AKIRIN1: variants seen among roughly 807,000 people sequenced by gnomAD.
AKIRIN1 encodes the protein akirin 1.
Under a neutral mutation model 25.9 loss-of-function variants are expected in AKIRIN1, and 4 were observed. That is an observed-to-expected ratio of 0.15 (90% CI 0.08 to 0.35). The LOEUF (loss-of-function observed/expected upper bound fraction) is 0.35, where lower values mean the gene tolerates loss of function less well. Among genes scored for constraint, AKIRIN1 ranks in the 10% least tolerant of loss-of-function variants. AKIRIN1 has a pLI of 1.00. For missense variants in AKIRIN1, 243 were observed against 266.1 expected, an observed-to-expected ratio of 0.91 and a Z score of 0.61; for synonymous variants, 125 against 105.1, an observed-to-expected ratio of 1.19 and a Z score of -1.16.
chr1:38,999,904 C>T (rs6694920), intron 2 of AKIRIN1, among the ~76,000 whole-genome samples: 111,238 of 151,748 alleles, frequency 0.73, 42,209 homozygotes, highest in Non-Finnish European at 0.85. Context: ...TTGGGTTTTT[C>T]TTGAGATTTG....
At chr1:38,996,051 AAACTT>A (rs1643946047) in intron 1 of AKIRIN1, among the ~76,000 whole-genome samples, 1 of 152,116 alleles carries the variant, frequency 6.6e-6, no homozygotes, top group Non-Finnish European at 1.5e-5. Context: ...AGTGAGGTGA[AAACTT>A]AATAAATTCA....
chr1:38,998,957 T>C (rs990945595), intron 2 of AKIRIN1, among the ~76,000 whole-genome samples: 4 of 152,192 alleles, frequency 2.6e-5, no homozygotes, highest in Admixed American at 2.6e-4. Context: ...ATATGGCTGT[T>C]GTATTGTACA....
intron 1 of AKIRIN1, among the ~76,000 whole-genome samples, chr1:38,996,887 G>A (rs971726332): frequency 1.3e-5 from 2 of 152,186 alleles, no homozygotes; most frequent in Non-Finnish European, 2.9e-5. Context: ...CTGAAAGTTA[G>A]GGACTTTGAC....
intron 1 of AKIRIN1, 134 bp from the exon 2 acceptor site, chr1:38,998,037 G>A: frequency 1.1e-6 from 1 of 940,094 alleles, no homozygotes; most frequent in Non-Finnish European, 1.5e-6. Context: ...CGGGGGAGGG[G>A]GAGATTGAGA....
intron 1 of AKIRIN1, among the ~76,000 whole-genome samples, chr1:38,993,000 A>T (rs565031910): frequency 6.6e-6 from 1 of 152,224 alleles, no homozygotes; most frequent in Non-Finnish European, 1.5e-5. Context: ...CAGGCGCCAT[A>T]GATGGCCACT....
chr1:38,992,561 A>G (rs1216693958), intron 1 of AKIRIN1, among the ~76,000 whole-genome samples: 2 of 152,010 alleles, frequency 1.3e-5, no homozygotes, highest in Non-Finnish European at 2.9e-5. Context: ...TTCAGGTTTC[A>G]TTTCCTCCTT....
Position 39,004,230 on chromosome 1 carries a change from C to G in AKIRIN1, c.*175C>G. The G allele has an allele frequency of 1.3e-6, 1 of 745,498 alleles. No homozygotes were observed. The highest frequency in any genetic ancestry group is 1.5e-5 in the South Asian group (1 of 68,846). The allele number at this position is 745,498 out of a possible 1,614,324, so 46.2% of individuals were successfully genotyped here. A position where few individuals can be genotyped will look rare whatever the true frequency, so the allele number is the denominator to read the frequency against. Reference sequence around the variant, plus strand: ...AGACCGTAAAACTTTCTGGTTGCCACAAGCATATCTTTCTTTTCTGCTCAT... The same window carrying G: ...AGACCGTAAAACTTTCTGGTTGCCAGAAGCATATCTTTCTTTTCTGCTCAT... On this transcript the variant is annotated 3_prime_UTR_variant, in exon 5 of 5. Coordinates refer to ENST00000432648, the MANE Select transcript of AKIRIN1 (RefSeq NM_024595.3).
At chr1:39,000,555 G>A (rs1177758944) in intron 2 of AKIRIN1, among the ~76,000 whole-genome samples, 2 of 151,262 alleles carry the variant, frequency 1.3e-5, no homozygotes, top group African/African-American at 4.9e-5. Flanking sequence ...TCTCCATGTT[G>A]GTCAGGCTGG....
intron 1 of AKIRIN1, among the ~76,000 whole-genome samples, chr1:38,995,112 C>T (rs1643938011): frequency 6.6e-6 from 1 of 152,130 alleles, no homozygotes; most frequent in African/African-American, 2.4e-5. Flanking sequence ...ATTGCATGAG[C>T]CACTGCGCCT....
intron 1 of AKIRIN1, among the ~76,000 whole-genome samples, chr1:38,995,491 T>C (rs943879228): frequency 6.6e-6 from 1 of 152,208 alleles, no homozygotes; most frequent in Non-Finnish European, 1.5e-5. Context: ...TATATGGCCT[T>C]CTACAGAAGA....
Position 38,993,496 on chromosome 1 carries a change from T to C in AKIRIN1, c.220+1896T>C, listed in dbSNP as rs549940289. Among the ~76,000 whole-genome samples the C allele has an allele frequency of 3.3e-5, 5 of 151,576 alleles. No homozygotes were observed. The East Asian group carries it at 9.7e-4, about 29-fold the overall frequency. On this transcript the variant is annotated intron_variant, in intron 1 of 4. Coordinates refer to ENST00000432648, the MANE Select transcript of AKIRIN1 (RefSeq NM_024595.3). ...GTTATTTTTGTTTTGGGGGCAGTGG[T>C]GGCATGCACTTGTAATCCCAGCTAC...
intron 2 of AKIRIN1, among the ~76,000 whole-genome samples, chr1:38,999,525 TGG>T (rs1643972701): frequency 6.6e-6 from 1 of 152,254 alleles, no homozygotes; most frequent in African/African-American, 2.4e-5. Context: ...TTCCTGGCTC[TGG>T]AACTGCACCC....
intron 1 of AKIRIN1, among the ~76,000 whole-genome samples, chr1:38,995,654 A>G (rs563244513): frequency 6.6e-6 from 1 of 152,334 alleles, no homozygotes; most frequent in African/African-American, 2.4e-5. Context: ...TGTTCTCTTA[A>G]GCGTTGTCCT....
chr1:38,991,672 G>GGT, intron 1 of AKIRIN1, 72 bp downstream of exon 1: 3 of 469,282 alleles, frequency 6.4e-6, no homozygotes, highest in South Asian at 4.7e-5. Flanking sequence ...GTGGGGGAGG[G>GGT]TTGGGAATAC....
intron 1 of AKIRIN1, 60 bp downstream of exon 1, chr1:38,991,660 TGGTGGGGGAGGGTTG>T: frequency 6.0e-5 from 6 of 99,196 alleles, no homozygotes; most frequent in Non-Finnish European, 9.8e-5. Context: ...TTGGGGGGGG[TGGTGGGGGAGGGTTG>T]GGAATACCAG....
At chr1:38,999,960 G>A (rs1643976501) in intron 2 of AKIRIN1, among the ~76,000 whole-genome samples, 1 of 151,996 alleles carries the variant, frequency 6.6e-6, no homozygotes, top group Non-Finnish European at 1.5e-5. Flanking sequence ...TCAGCTCACT[G>A]GAACCTTCAC....
chr1:39,000,887 T>C, intron 2 of AKIRIN1, 85 bp from the exon 3 acceptor site: 5 of 1,430,246 alleles, frequency 3.5e-6, no homozygotes, highest in Non-Finnish European at 4.7e-6. Context: ...CCTCAGATGA[T>C]CCGCCTGCCT....
rs1643902293 is a variant in AKIRIN1, at chr1:38,991,287, C to T, written c.-94C>T. 5 of 1,129,454 alleles carry T rather than the reference C, an allele frequency of 4.4e-6. No individual in the cohort carries two copies. Among genetic ancestry groups the T allele is most frequent in the Non-Finnish European group, 5.7e-6 (5 of 870,340 alleles). The allele number at this position is 1,129,454 out of a possible 1,614,324, so 70.0% of individuals were successfully genotyped here. ...CGCCGCTGCCGGGTGCTGGAGGCGC[C>T]ATTGGAGCCGGCTTGGCTGGCGAGC... On this transcript the variant is annotated 5_prime_UTR_variant, in exon 1 of 5. Transcript: ENST00000432648.
intron 1 of AKIRIN1, among the ~76,000 whole-genome samples, chr1:38,994,793 G>A (rs893834151): frequency 2.1e-5 from 3 of 144,810 alleles, no homozygotes; most frequent in African/African-American, 5.1e-5. Flanking sequence ...AGACTCAAGC[G>A]ATTCTCCTGC....
Sources: allele counts gnomAD v4.1 joint callset (sites outside exome capture counted in the v4.1 genomes callset), GRCh38; gene constraint gnomAD v4.1.1; transcripts MANE v1.5; gene names NCBI Gene and HGNC (gene_info 2026-07-23, HGNC 2026-07-21).